Variants in MMP16 observed in about 807,000 individuals in gnomAD.
The protein encoded by MMP16 is matrix metallopeptidase 16.
A neutral mutation model predicts 67.8 loss-of-function variants in MMP16; 12 were observed. That is an observed-to-expected ratio of 0.18 (90% CI 0.11 to 0.29). The LOEUF is 0.29. MMP16 is among the 10% of genes least tolerant of loss of function. The pLI is 1.00. For synonymous variants in MMP16, 249 were observed against 255.9 expected (o/e 0.97, Z 0.26); for missense variants, 475 against 765.7 (o/e 0.62, Z 4.48).
intron 1 of MMP16, among the ~76,000 whole-genome samples, chr8:88,209,356 AT>A (rs1378034086): frequency 6.6e-6 from 1 of 151,920 alleles, no homozygotes; most frequent in African/African-American, 2.4e-5. Flanking sequence ...AAATAAATAT[AT>A]TTTTCTTCCA....
chr8:88,317,445 A>C (rs1811390745), intron 1 of MMP16, among the ~76,000 whole-genome samples: 1 of 152,162 alleles, frequency 6.6e-6, no homozygotes, highest in African/African-American at 2.4e-5. Context: ...AGGTATGTAC[A>C]TGCTTTTTTA....
At chr8:88,203,575 A>G (rs1809378320) in intron 1 of MMP16, among the ~76,000 whole-genome samples, 1 of 152,218 alleles carries the variant, frequency 6.6e-6, no homozygotes. Flanking sequence ...GGAGTTCCAC[A>G]GTGCAAAGAG....
chr8:88,225,316 C>T (rs957580194), intron 1 of MMP16, among the ~76,000 whole-genome samples: 7 of 151,912 alleles, frequency 4.6e-5, no homozygotes, highest in Admixed American at 1.3e-4. Context: ...AAAATGCATA[C>T]AGACTGTGTT....
chr8:88,135,689 G>A (rs1458092438), intron 4 of MMP16, among the ~76,000 whole-genome samples: 3 of 151,884 alleles, frequency 2.0e-5, no homozygotes, highest in South Asian at 4.1e-4. Flanking sequence ...ATGAGATAAC[G>A]GACAAATTAA....
chr8:88,089,306 G>A (rs1011056413), intron 6 of MMP16, among the ~76,000 whole-genome samples: 1 of 151,992 alleles, frequency 6.6e-6, no homozygotes, highest in African/African-American at 2.4e-5. Flanking sequence ...CACACAAAAG[G>A]AAAGCACAAA....
At chr8:88,151,854 A>T (rs1361408464) in intron 4 of MMP16, among the ~76,000 whole-genome samples, 95 of 115,718 alleles carry the variant, frequency 8.2e-4, no homozygotes, top group Non-Finnish European at 2.3e-4. Context: ...GGCAAGAAAT[A>T]ACTAAAATCA....
chr8:88,157,705 G>A (rs1220587689), intron 4 of MMP16, among the ~76,000 whole-genome samples: 1 of 151,858 alleles, frequency 6.6e-6, no homozygotes, highest in Non-Finnish European at 1.5e-5. Context: ...AAGTTCTAGG[G>A]TACATGTGCA....
intron 1 of MMP16, among the ~76,000 whole-genome samples, chr8:88,309,875 T>G (rs1393770096): frequency 2.0e-5 from 3 of 152,104 alleles, no homozygotes; most frequent in East Asian, 1.9e-4. Context: ...TGATCTAATT[T>G]TAATGTAAGT....
chr8:88,164,177 G>A (rs754451390), intron 4 of MMP16, among the ~76,000 whole-genome samples: 1 of 152,052 alleles, frequency 6.6e-6, no homozygotes, highest in Non-Finnish European at 1.5e-5. Flanking sequence ...TACTTATCAA[G>A]AGGCTCTTTC....
At chr8:88,158,585 A>C (rs370400910) in intron 4 of MMP16, among the ~76,000 whole-genome samples, 2 of 152,152 alleles carry the variant, frequency 1.3e-5, no homozygotes, top group Admixed American at 6.6e-5. Context: ...AGATGGGTAG[A>C]TTGCAAAAAT....
At chr8:88,218,380 T>C (rs1281480533) in intron 1 of MMP16, among the ~76,000 whole-genome samples, 2 of 152,022 alleles carry the variant, frequency 1.3e-5, no homozygotes, top group African/African-American at 2.4e-5. Flanking sequence ...AAACTTTCAA[T>C]TGTATGATGA....
At chr8:88,043,685 A>G (rs1185361329) in intron 9 of MMP16, among the ~76,000 whole-genome samples, 1 of 152,208 alleles carries the variant, frequency 6.6e-6, no homozygotes, top group East Asian at 1.9e-4. Context: ...CAATGCCATG[A>G]ACACCTACTG....
intron 1 of MMP16, among the ~76,000 whole-genome samples, chr8:88,252,844 A>G (rs1366570799): frequency 1.3e-5 from 2 of 152,112 alleles, no homozygotes; most frequent in Non-Finnish European, 2.9e-5. Flanking sequence ...ATGTAGAAAC[A>G]TTTAATACGT....
chr8:88,175,868 A>C (rs1263513041), intron 3 of MMP16, among the ~76,000 whole-genome samples: 3 of 152,128 alleles, frequency 2.0e-5, no homozygotes, highest in Non-Finnish European at 4.4e-5. Context: ...ATGGTTTTAT[A>C]AAGGATTGTT....
At chr8:88,243,415 A>G (rs1810061663) in intron 1 of MMP16, among the ~76,000 whole-genome samples, 2 of 152,162 alleles carry the variant, frequency 1.3e-5, no homozygotes, top group African/African-American at 2.4e-5. Context: ...CCTGGTCCCC[A>G]CATCACTGCC....
intron 2 of MMP16, among the ~76,000 whole-genome samples, chr8:88,187,637 C>T (rs1228453148): frequency 6.6e-6 from 1 of 152,146 alleles, no homozygotes; most frequent in African/African-American, 2.4e-5. Context: ...GTCATTTACA[C>T]ATTAAGTAAT....
chr8:88,275,184 C>T (rs935184460), intron 1 of MMP16, among the ~76,000 whole-genome samples: 3 of 151,916 alleles, frequency 2.0e-5, no homozygotes, highest in African/African-American at 7.2e-5. Context: ...GCAGCTTTAT[C>T]TTCCCATTAT....
intron 1 of MMP16, among the ~76,000 whole-genome samples, chr8:88,290,247 T>A (rs1034939813): frequency 3.9e-5 from 6 of 152,074 alleles, no homozygotes; most frequent in Admixed American, 3.9e-4. Context: ...AAATCTCTGT[T>A]TCTCTTAAAA....
intron 3 of MMP16, among the ~76,000 whole-genome samples, chr8:88,176,837 C>G (rs912274798): frequency 6.6e-6 from 1 of 152,074 alleles, no homozygotes; most frequent in African/African-American, 2.4e-5. Flanking sequence ...TAAAGTAAGT[C>G]TTCATATCTT....
Sources: allele counts gnomAD v4.1 joint callset (sites outside exome capture counted in the v4.1 genomes callset), GRCh38; gene constraint gnomAD v4.1.1; transcripts MANE v1.5; gene names NCBI Gene and HGNC (gene_info 2026-07-23, HGNC 2026-07-21).